The following TRPM3 variants were observed in gnomAD, a reference collection of about 807,000 sequenced individuals.
TRPM3 encodes transient receptor potential cation channel subfamily M member 3, also known as long transient receptor potential channel 3.
A neutral mutation model predicts 181.2 loss-of-function variants in TRPM3; 77 were observed. The ratio of observed to expected loss-of-function variants is 0.42; its 90% CI spans 0.35 to 0.51. The LOEUF is 0.51. Among genes scored for constraint, TRPM3 ranks in the 20% least tolerant of loss-of-function variants. The probability of loss-of-function intolerance (pLI) is 0.01; values close to 1 mark genes in which losing one functional copy is unlikely to be tolerated. For synonymous variants in TRPM3, 745 were observed against 796.4 expected, an observed-to-expected ratio of 0.94 and a Z score of 1.09; for missense variants, 1,759 against 2,196.7, an observed-to-expected ratio of 0.80 and a Z score of 3.98.
intron 1 of TRPM3, among the ~76,000 whole-genome samples, chr9:70,916,076 G>A (rs1217871108): frequency 6.6e-6 from 1 of 152,206 alleles, no homozygotes; most frequent in Non-Finnish European, 1.5e-5. Flanking sequence ...TAGGCCAGGA[G>A]AAAGTGGCAT....
intron 3 of TRPM3, among the ~76,000 whole-genome samples, chr9:70,855,239 T>C (rs1211005060): frequency 6.6e-6 from 1 of 152,180 alleles, no homozygotes; most frequent in Non-Finnish European, 1.5e-5. Flanking sequence ...AAACCCACAG[T>C]AGGCAAAGGC....
At chr9:71,370,606 G>C (rs1447862482) in intron 1 of TRPM3, among the ~76,000 whole-genome samples, 3 of 152,302 alleles carry the variant, frequency 2.0e-5, no homozygotes, top group South Asian at 4.1e-4. Context: ...GAAGCTAGCA[G>C]AAGTTATTTC....
At chr9:71,354,417 A>G (rs1234178776) in intron 1 of TRPM3, among the ~76,000 whole-genome samples, 1 of 152,228 alleles carries the variant, frequency 6.6e-6, no homozygotes, top group Non-Finnish European at 1.5e-5. Context: ...CTCACTGTGG[A>G]GACTTTAAAC....
intron 12 of TRPM3, among the ~76,000 whole-genome samples, chr9:70,633,890 T>A (rs748171342): frequency 8.5e-5 from 13 of 152,164 alleles, no homozygotes; most frequent in African/African-American, 3.1e-4. Context: ...TGTGCATACA[T>A]GTATGGGCAC....
Position 70,625,224 on chromosome 9 carries a change from C to A in TRPM3, c.1776G>T (p.Arg592=), listed in dbSNP as rs1179039371. The change falls in exon 14 of 26, where the codon CGG becomes CGT. Residue 592 remains arginine (R), a synonymous_variant. Transcript: ENST00000677713. The surrounding 1 kb of genome is among the most constrained non-coding windows in gnomAD (Gnocchi z 4.8). ...YRCNYTRKRF[R]TLYHNLFGPK... ...GGCCGAAGAGGTTGTGGTAGAGGGTCCGGAAGCGCTTGCGCGTGTAGTTGC... is the reference window on the plus strand; with the variant it reads ...GGCCGAAGAGGTTGTGGTAGAGGGTACGGAAGCGCTTGCGCGTGTAGTTGC... 8 of 1,614,042 alleles carry A rather than the reference C, an allele frequency of 5.0e-6. No individual in the cohort carries two copies. The highest frequency in any genetic ancestry group is 1.1e-5 in the South Asian group (1 of 91,040).
intron 1 of TRPM3, among the ~76,000 whole-genome samples, chr9:70,980,067 G>GCGCACACACACACACACACACA (rs142852346): frequency 7.3e-6 from 1 of 137,888 alleles, no homozygotes; most frequent in Non-Finnish European, 1.5e-5. Flanking sequence ...GCATGTGCGT[G>GCGCACACACACACACACACACA]CACACACACA....
At chr9:71,314,270 G>A (rs558141880) in intron 1 of TRPM3, among the ~76,000 whole-genome samples, 1 of 151,946 alleles carries the variant, frequency 6.6e-6, no homozygotes, top group African/African-American at 2.4e-5. Context: ...GTTATCATAT[G>A]ATTTTTTTAT....
chr9:71,049,691 A>C (rs1444952038), intron 1 of TRPM3, among the ~76,000 whole-genome samples: 1 of 152,088 alleles, frequency 6.6e-6, no homozygotes, highest in Non-Finnish European at 1.5e-5. Flanking sequence ...TTGCCTGGTC[A>C]TTGTGGGTAG....
chr9:71,328,074 A>AC (rs2089828531), intron 1 of TRPM3, among the ~76,000 whole-genome samples: 1 of 151,806 alleles, frequency 6.6e-6, no homozygotes. Context: ...GAATTAAAAA[A>AC]AAAAAACAAA....
intron 1 of TRPM3, among the ~76,000 whole-genome samples, chr9:71,319,895 C>A (rs186715126): frequency 1.3e-5 from 2 of 152,004 alleles, no homozygotes; most frequent in Non-Finnish European, 2.9e-5. Context: ...CCTGAGATAC[C>A]TACAAAGGAA....
intron 3 of TRPM3, among the ~76,000 whole-genome samples, chr9:70,848,699 C>CAAAACT (rs2095090662): frequency 0.038 from 1,185 of 31,134 alleles, 124 homozygotes; most frequent in Middle Eastern, 0.058. Flanking sequence ...ATTACCTGGC[C>CAAAACT]GGGCGCGGTG....
intron 1 of TRPM3, among the ~76,000 whole-genome samples, chr9:71,118,895 G>A (rs1395818526): frequency 6.6e-6 from 1 of 152,080 alleles, no homozygotes; most frequent in Non-Finnish European, 1.5e-5. Flanking sequence ...ATTAAGCCAG[G>A]AAGAGCATTT....
At chr9:71,210,129 T>TC (rs1289561577) in intron 1 of TRPM3, among the ~76,000 whole-genome samples, 2 of 152,150 alleles carry the variant, frequency 1.3e-5, no homozygotes, top group Non-Finnish European at 2.9e-5. Context: ...CTGCCTAAGC[T>TC]CCGCCTCCTG....
intron 1 of TRPM3, among the ~76,000 whole-genome samples, chr9:71,322,664 T>C (rs2089339632): frequency 1.3e-5 from 2 of 152,026 alleles, no homozygotes; most frequent in Admixed American, 6.6e-5. Context: ...CAACAAAAAA[T>C]CCCTATATGA....
intron 12 of TRPM3, among the ~76,000 whole-genome samples, chr9:70,634,327 C>A (rs143831573): frequency 1.9e-4 from 29 of 152,272 alleles, no homozygotes; most frequent in African/African-American, 7.0e-4. Context: ...CCAGACCAGG[C>A]TGGCCTTGAA....
intron 1 of TRPM3, among the ~76,000 whole-genome samples, chr9:71,151,683 T>G (rs897504472): frequency 1.3e-5 from 2 of 152,146 alleles, no homozygotes; most frequent in African/African-American, 4.8e-5. Flanking sequence ...TTTATATCAG[T>G]AAAAATTTAG....
At chr9:70,873,730 T>C (rs2095828557) in intron 1 of TRPM3, among the ~76,000 whole-genome samples, 1 of 151,980 alleles carries the variant, frequency 6.6e-6, no homozygotes, top group Non-Finnish European at 1.5e-5. Context: ...TTGGTCACAC[T>C]TCCATTAGGG....
At chr9:70,551,995 T>C (rs1564286344) in intron 24 of TRPM3, among the ~76,000 whole-genome samples, 1 of 152,264 alleles carries the variant, frequency 6.6e-6, no homozygotes, top group East Asian at 1.9e-4. Context: ...ATCGTTTTGG[T>C]TTCAAACCTT....
intron 8 of TRPM3, among the ~76,000 whole-genome samples, chr9:70,698,183 G>T (rs2134614030): frequency 6.6e-6 from 1 of 151,380 alleles, no homozygotes; most frequent in African/African-American, 2.4e-5. Flanking sequence ...ACTCCAGCTT[G>T]GGTGACAGAG....
Sources: allele counts gnomAD v4.1 joint callset (sites outside exome capture counted in the v4.1 genomes callset), GRCh38; gene constraint gnomAD v4.1.1; non-coding constraint Gnocchi (gnomAD v3.1); transcripts MANE v1.5; gene names NCBI Gene and HGNC (gene_info 2026-07-23, HGNC 2026-07-21).